ACADS: variants seen among roughly 807,000 people sequenced by gnomAD.
ACADS encodes the protein acyl-CoA dehydrogenase short chain.
A neutral mutation model predicts 46.8 loss-of-function variants in ACADS; 28 were observed. That is an observed-to-expected ratio of 0.60 (90% confidence interval 0.44 to 0.82). The LOEUF (loss-of-function observed/expected upper bound fraction) is 0.82, where lower values mean the gene tolerates loss of function less well. Ranked by LOEUF, ACADS falls within the 40% of genes least tolerant of loss-of-function variation. ACADS has a pLI of 0.00. For synonymous variants in ACADS, 236 were observed against 237.7 expected, an observed-to-expected ratio of 0.99 and a Z score of 0.07; for missense variants, 528 against 578.0, an observed-to-expected ratio of 0.91 and a Z score of 0.89.
At chr12:120,729,872 G>A (rs12369156) in intron 2 of ACADS, among the ~76,000 whole-genome samples, 1,997 of 152,308 alleles carry the variant, frequency 0.013, 21 homozygotes, top group Non-Finnish European at 0.023. Flanking sequence ...GCTCTTAGGT[G>A]CTGCCCCAGA....
chr12:120,739,103 C>G (rs1377762569), intron 8 of ACADS, 37 bp from the exon 9 acceptor site: 1 of 1,612,798 alleles, frequency 6.2e-7, no homozygotes, highest in African/African-American at 1.3e-5. Flanking sequence ...GGAGGGGTCC[C>G]CTCAAGGGAA....
chr12:120,737,760 G>A, intron 4 of ACADS, 77 bp from the exon 5 acceptor site: 6 of 1,597,500 alleles, frequency 3.8e-6, no homozygotes, highest in Non-Finnish European at 5.1e-6. Flanking sequence ...GCCAGCAGGG[G>A]TGTGGAGGGA....
rs757241744 is a variant in ACADS at position 120,738,464 on chromosome 12, T to C, written c.795+14T>C. The C allele has an allele frequency of 5.0e-6, 8 of 1,607,668 alleles. No homozygotes were observed. In the East Asian group the frequency reaches 1.8e-4, roughly 36 times the overall value. Reference sequence around the variant, plus strand: ...AAGATAGCCATGGTGAGCCCGGCAGTGGGGGTGGCACCTTGAGGCCAGGCC... The same window carrying C: ...AAGATAGCCATGGTGAGCCCGGCAGCGGGGGTGGCACCTTGAGGCCAGGCC... On this transcript the variant is annotated intron_variant, in intron 6 of 9. Transcript: ENST00000242592.
chr12:120,739,181 C>A lies in ACADS; in HGVS notation c.1071C>A (p.Thr357=), dbSNP rs759011410. The A allele has an allele frequency of 1.9e-6, 3 of 1,613,048 alleles. No homozygotes were observed. Among genetic ancestry groups the A allele is most frequent in the Non-Finnish European group, 2.5e-6 (3 of 1,180,006 alleles). The change falls in exon 9 of 10, where the codon ACC becomes ACA. Residue 357 remains threonine (T), a synonymous_variant. Transcript: ENST00000242592. ...AGCTGGCCGCCTCGGAGGCCGCGACCGCCATCAGCCACCAGGTGAGTGTCC... is the reference window on the plus strand; with the variant it reads ...AGCTGGCCGCCTCGGAGGCCGCGACAGCCATCAGCCACCAGGTGAGTGTCC... ...MAKLAASEAA[T]AISHQAIQIL...
At chr12:120,732,871 G>A (rs369299060) in intron 2 of ACADS, among the ~76,000 whole-genome samples, 5 of 152,234 alleles carry the variant, frequency 3.3e-5, no homozygotes, top group East Asian at 1.9e-4. Flanking sequence ...CAAGGCAGGC[G>A]GCTGGGAGGT....
intron 4 of ACADS, 132 bp from the exon 5 acceptor site, chr12:120,737,705 T>G (rs1187794239): frequency 3.7e-6 from 5 of 1,355,056 alleles, no homozygotes; most frequent in Non-Finnish European, 5.1e-6. Context: ...ACTGAGAGCT[T>G]TGGGACCCTC....
chr12:120,726,882 T>C, intron 1 of ACADS, 144 bp from the exon 2 acceptor site: 1 of 926,176 alleles, frequency 1.1e-6, no homozygotes, highest in Non-Finnish European at 1.8e-6. Flanking sequence ...ATTCCCCTGC[T>C]CTAGTTGTGA....
rs1211962368 is a variant in ACADS at position 120,739,693 on chromosome 12, C to G, written c.*245C>G. 5.3e-6 allele frequency: 3 copies of G among 570,458 alleles called. No homozygotes were observed. The highest frequency in any genetic ancestry group is 9.4e-6 in the Non-Finnish European group (3 of 320,600). The allele number at this position is 570,458 out of a possible 1,614,324, so 35.3% of individuals were successfully genotyped here. A position where few individuals can be genotyped will look rare whatever the true frequency, so the allele number is the denominator to read the frequency against. Reference sequence around the variant, plus strand: ...TCCTCATCTAAGTGGCCCTGGCCTCCTGGGGGCGGGGTTGTGGGGGGGCTG... The same window carrying G: ...TCCTCATCTAAGTGGCCCTGGCCTCGTGGGGGCGGGGTTGTGGGGGGGCTG... On this transcript the variant is annotated 3_prime_UTR_variant, in exon 10 of 10. Transcript: ENST00000242592.
chr12:120,732,090 C>G (rs932025703), intron 2 of ACADS, among the ~76,000 whole-genome samples: 5 of 152,282 alleles, frequency 3.3e-5, no homozygotes, highest in African/African-American at 1.2e-4. Context: ...CCACCTTTCC[C>G]CCTTTTCTAT....
chr12:120,727,199 C>T lies in ACADS; in HGVS notation c.210+10C>T. 1 of 1,614,158 alleles carries T rather than the reference C, an allele frequency of 6.2e-7. No individual in the cohort carries two copies. Among genetic ancestry groups the T allele is most frequent in the Non-Finnish European group, 8.5e-7 (1 of 1,180,010 alleles). On this transcript the variant is annotated intron_variant, in intron 2 of 9. Coordinates refer to ENST00000242592, the MANE Select transcript of ACADS (RefSeq NM_000017.4). Reference sequence around the variant, plus strand: ...CTTCCCAGCGGCTCAGGTGAGAGTGCAACCTCAGCAGCCCACGATAGTGGT... The same window carrying T: ...CTTCCCAGCGGCTCAGGTGAGAGTGTAACCTCAGCAGCCCACGATAGTGGT...
At chr12:120,735,959 AG>A (rs1255846991) in intron 2 of ACADS, among the ~76,000 whole-genome samples, 9 of 150,710 alleles carry the variant, frequency 6.0e-5, no homozygotes, top group African/African-American at 9.6e-5. Flanking sequence ...ATTGTATAAA[AG>A]GGCTCGTGAA....
At chr12:120,733,560 AAATGGTGCCTGCTGAAATG>A (rs1883338157) in intron 2 of ACADS, among the ~76,000 whole-genome samples, 1 of 34,746 alleles carries the variant, frequency 2.9e-5, no homozygotes, top group Admixed American at 2.6e-4. Context: ...GTGCCTGCTG[AAATGGTGCCTGCTGAAATG>A]GTGCCTGCTG....
intron 2 of ACADS, among the ~76,000 whole-genome samples, chr12:120,735,322 A>G (rs1883395046): frequency 7.1e-6 from 1 of 141,568 alleles, no homozygotes; most frequent in Admixed American, 7.1e-5. Context: ...CTGGGATTAC[A>G]GGTGTGAGTC....
intron 1 of ACADS, among the ~76,000 whole-genome samples, chr12:120,726,710 A>G (rs1228530186): frequency 6.6e-6 from 1 of 152,232 alleles, no homozygotes; most frequent in African/African-American, 2.4e-5. Context: ...GATGTAGTGT[A>G]TGGAAATGTC....
At position 120,738,625 on chromosome 12, in the gene ACADS, T is replaced by C. The variant is rs111686208; in HGVS notation, c.888T>C (p.Asn296=). 73 of 1,613,238 alleles carry C rather than the reference T, an allele frequency of 4.5e-5. 2 individuals are homozygous for C. In the African/African-American group the frequency reaches 4.8e-4, roughly 11 times the overall value. Residue 296 remains asparagine, a synonymous_variant, in exon 7 of 10, where the codon AAT becomes AAC. Coordinates refer to ENST00000242592, the MANE Select transcript of ACADS (RefSeq NM_000017.4). ...ATTGTGCTGTGAACTACGCTGAGAA[T>C]CGCATGGCCTTCGGGGCGCCCCTCA... ...ALDCAVNYAE[N]RMAFGAPLTK...
intron 2 of ACADS, among the ~76,000 whole-genome samples, chr12:120,731,471 T>A (rs1361834806): frequency 6.7e-6 from 1 of 149,946 alleles, no homozygotes; most frequent in African/African-American, 2.5e-5. Context: ...TTTTTTTTTT[T>A]TGAGGCGGAG....
chr12:120,725,985 G>T, intron 1 of ACADS, 54 bp downstream of exon 1: 1 of 1,481,930 alleles, frequency 6.7e-7, no homozygotes, highest in Non-Finnish European at 8.9e-7. Flanking sequence ...CTGGCCCAGC[G>T]GGCGGAGGTC....
In ACADS at chr12:120,737,468, G is replaced by C; in HGVS notation, c.472+1G>C. ...GGCTGCTTTGCCCTCAGCGAACCAG[G>C]TACCTGCCCTGTCCCCTCACCTGTC... On this transcript the variant is annotated splice_donor_variant, in intron 4 of 9. Coordinates refer to ENST00000242592, the MANE Select transcript of ACADS (RefSeq NM_000017.4). LOFTEE classifies it high-confidence loss of function. The C allele has an allele frequency of 6.2e-7, 1 of 1,612,744 alleles. No homozygotes were observed. The highest frequency in any genetic ancestry group is 8.5e-7 in the Non-Finnish European group (1 of 1,178,928).
At chr12:120,735,553 C>G (rs528900461) in intron 2 of ACADS, among the ~76,000 whole-genome samples, 11 of 151,760 alleles carry the variant, frequency 7.2e-5, no homozygotes, top group Admixed American at 2.0e-4. Flanking sequence ...TATAGAAAAA[C>G]AAGAATATAT....
Sources: allele counts gnomAD v4.1 joint callset (sites outside exome capture counted in the v4.1 genomes callset), GRCh38; gene constraint gnomAD v4.1.1; transcripts MANE v1.5; gene names NCBI Gene and HGNC (gene_info 2026-07-23, HGNC 2026-07-21).